Variants in CREB3L1 observed in about 807,000 individuals in gnomAD.
CREB3L1 encodes cyclic AMP-responsive element-binding protein 3-like protein 1.
Under a neutral mutation model 54.5 loss-of-function variants are expected in CREB3L1, and 33 were observed. The observed-to-expected ratio is 0.61, with a 90% CI of 0.46 to 0.81. The LOEUF (loss-of-function observed/expected upper bound fraction) is 0.81. Ranked by LOEUF, CREB3L1 falls within the 30% of genes least tolerant of loss-of-function variation. The probability of loss-of-function intolerance (pLI) is 0.00; values close to 1 mark genes in which losing one functional copy is unlikely to be tolerated. For missense variants in CREB3L1, 656 were observed against 673.3 expected (o/e 0.97, Z 0.29); for synonymous variants, 284 against 286.4 (o/e 0.99, Z 0.08).
Position 46,277,781 on chromosome 11 carries a change from GGCTCCTGA to G in CREB3L1, c.-330_-323del, listed in dbSNP as rs1938894930. The G allele has an allele frequency of 3.8e-6, 1 of 266,016 alleles. No individual in the cohort carries two copies. 16.5% of individuals were successfully genotyped at this position (266,016 alleles called of 1,614,324 possible). A position where few individuals can be genotyped will look rare whatever the true frequency, so the allele number is the denominator to read the frequency against. ...GCCCCGGCTCCCACCCTGTCCGGGG[GGCTCCTGA>G]AGCCCTCAGCCCCAACCCCGGGCTC... On this transcript the variant is annotated 5_prime_UTR_variant, in exon 1 of 12. Coordinates refer to ENST00000621158, the MANE Select transcript of CREB3L1 (RefSeq NM_052854.4).
chr11:46,314,009 G>T (rs893812649), intron 8 of CREB3L1, among the ~76,000 whole-genome samples: 6 of 152,092 alleles, frequency 3.9e-5, no homozygotes, highest in Non-Finnish European at 8.8e-5. Flanking sequence ...GGCGGAGGCG[G>T]GCAAATCACT....
At chr11:46,305,858 G>A (rs1337450041) in intron 2 of CREB3L1, among the ~76,000 whole-genome samples, 4 of 147,230 alleles carry the variant, frequency 2.7e-5, no homozygotes, top group South Asian at 4.3e-4. Context: ...CTGCCTCAGC[G>A]TCCCGAGTAG....
In CREB3L1 at chr11:46,316,303, T is replaced by G. The variant is rs1366772264; in HGVS notation, c.1049T>G (p.Leu350Arg). The G allele has an allele frequency of 6.4e-7, 1 of 1,568,300 alleles. No individual in the cohort carries two copies. The highest frequency in any genetic ancestry group is 8.6e-7 in the Non-Finnish European group (1 of 1,156,812). The change falls in exon 9 of 12, where the codon CTG becomes CGG. Residue 350 changes from leucine to arginine, a missense_variant. Physicochemically the swap from Leu to Arg is moderately radical, Grantham distance 102. Around this residue, in one of 3 missense-constraint regions of CREB3L1, gnomAD observed 77 missense variants for 122.0 expected, o/e 0.63. Coordinates refer to ENST00000621158, the MANE Select transcript of CREB3L1 (RefSeq NM_052854.4). ...ENANRTLLQQ[L>R]QKLQTLVTNK... Reference sequence around the variant, plus strand: ...CTCCTCAGGACCCTGCTCCAGCAGCTGCAGAAACTCCAGACTCTGGTCACC... The same window carrying G: ...CTCCTCAGGACCCTGCTCCAGCAGCGGCAGAAACTCCAGACTCTGGTCACC...
At chr11:46,314,797 T>G (rs1361158165) in intron 8 of CREB3L1, among the ~76,000 whole-genome samples, 1 of 151,452 alleles carries the variant, frequency 6.6e-6, no homozygotes, top group Admixed American at 6.6e-5. Context: ...AACCTCCGCC[T>G]CTTGGGTTCA....
chr11:46,277,995 G>C lies in CREB3L1; in HGVS notation c.-117G>C. The C allele has an allele frequency of 4.6e-6, 2 of 435,786 alleles. No individual in the cohort carries two copies. Among genetic ancestry groups the C allele is most frequent in the African/African-American group, 2.1e-5 (1 of 48,446 alleles). 27.0% of individuals were successfully genotyped at this position (435,786 alleles called of 1,614,324 possible). A position where few individuals can be genotyped will look rare whatever the true frequency, so the allele number is the denominator to read the frequency against. On this transcript the variant is annotated 5_prime_UTR_variant, in exon 1 of 12. Coordinates refer to ENST00000621158, the MANE Select transcript of CREB3L1 (RefSeq NM_052854.4). ...CCGTCCGCCCCTCCCCCGGGGCTTCGCCCCGGACCTGCCCCCCGCCCGTTT... is the reference window on the plus strand; with the variant it reads ...CCGTCCGCCCCTCCCCCGGGGCTTCCCCCCGGACCTGCCCCCCGCCCGTTT...
At position 46,300,003 on chromosome 11, in the gene CREB3L1, C is replaced by T. The variant is rs779485923; in HGVS notation, c.171C>T (p.Ser57=). 6.2e-7 allele frequency: 1 copy of T among 1,613,970 alleles called. No homozygotes were observed. The highest frequency in any genetic ancestry group is 8.5e-7 in the Non-Finnish European group (1 of 1,179,868). The change falls in exon 2 of 12, where the codon AGC becomes AGT. Residue 57 remains serine, a synonymous_variant. Coordinates refer to ENST00000621158, the MANE Select transcript of CREB3L1 (RefSeq NM_052854.4). ...ACTTCTCCAATGACCTGTTCAGCAG[C>T]TTCTTTGATGACCCTGTGCTGGATG... ...MEDFSNDLFS[S]FFDDPVLDEK...
At chr11:46,320,169 A>T (rs1490242035) in intron 10 of CREB3L1, 95 bp from the exon 11 acceptor site, 1 of 1,361,004 alleles carries the variant, frequency 7.3e-7, no homozygotes, top group Non-Finnish European at 9.9e-7. Flanking sequence ...TGGGACTCAG[A>T]TCCAGGGCCT....
At position 46,278,068 on chromosome 11, in the gene CREB3L1, A is replaced by G; in HGVS notation, c.-44A>G. ...TGGACTGGGCGCGCCGCCGCCCTGG[A>G]GTGAGGGAAGCCCAGTGGAAGGGGG... On this transcript the variant is annotated 5_prime_UTR_variant, in exon 1 of 12. Coordinates refer to ENST00000621158, the MANE Select transcript of CREB3L1 (RefSeq NM_052854.4). The surrounding 1 kb of genome is among the most constrained non-coding windows in gnomAD (Gnocchi z 4.2). The G allele has an allele frequency of 1.6e-6, 2 of 1,213,226 alleles. No homozygotes were observed. 75.2% of individuals were successfully genotyped at this position (1,213,226 alleles called of 1,614,324 possible). A position where few individuals can be genotyped will look rare whatever the true frequency, so the allele number is the denominator to read the frequency against.
In CREB3L1 at chr11:46,284,663, A is replaced by T. The variant is rs546343778; in HGVS notation, c.102+6450A>T. On this transcript the variant is annotated intron_variant, in intron 1 of 11. Coordinates refer to ENST00000621158, the MANE Select transcript of CREB3L1 (RefSeq NM_052854.4). The stretch of plus-strand genomic sequence containing the variant: ...GGGCAAAACTCCATCTCCAAAAAAA[A>T]AAAAAAAGGCATTTCCACAGGGACT... 1.5e-3 allele frequency among the ~76,000 whole-genome samples: 234 copies of T among 152,214 alleles called. 1 individual carries two copies. The highest frequency in any genetic ancestry group is 5.4e-3 in the African/African-American group (226 of 41,558).
At chr11:46,312,969 C>T (rs375608071) in intron 8 of CREB3L1, 50 bp downstream of exon 8, 13 of 1,394,644 alleles carry the variant, frequency 9.3e-6, no homozygotes, top group Non-Finnish European at 1.3e-5. Context: ...CTCTGCAACC[C>T]GTGCCTGGCT....
chr11:46,286,104 C>T (rs985360994), intron 1 of CREB3L1, among the ~76,000 whole-genome samples: 26 of 152,210 alleles, frequency 1.7e-4, no homozygotes, highest in African/African-American at 5.8e-4. Flanking sequence ...TCCTTGAGAG[C>T]AGGGTGTGTC....
rs915891814 is a variant in CREB3L1, at chr11:46,300,155, C to A, written c.323C>A (p.Thr108Asn). Residue 108 changes from threonine to asparagine, a missense_variant, in exon 2 of 12, where the codon ACC becomes AAC. Transcript: ENST00000621158. ...CTTGTGCCCATCAAGATGGAGGACA[C>A]CACCCAAGGTAAGAGGTGGAAGAAC... ...SPLVPIKMED[T>N]TQDAEHGAWA... is the part of the protein sequence containing the mutation. The A allele has an allele frequency of 3.7e-6, 6 of 1,611,354 alleles. No homozygotes were observed. In the South Asian group the frequency reaches 4.4e-5, roughly 12 times the overall value.
intron 1 of CREB3L1, among the ~76,000 whole-genome samples, chr11:46,296,451 T>G (rs893017143): frequency 2.6e-5 from 4 of 152,004 alleles, no homozygotes; most frequent in Non-Finnish European, 5.9e-5. Flanking sequence ...GGACTGGAGT[T>G]TTCTCTACTA....
chr11:46,320,935 C>T lies in CREB3L1; in HGVS notation c.*189C>T. The T allele has an allele frequency of 1.4e-6, 1 of 713,540 alleles. No individual in the cohort carries two copies. Among genetic ancestry groups the T allele is most frequent in the Non-Finnish European group, 2.5e-6 (1 of 394,590 alleles). The allele number at this position is 713,540 out of a possible 1,614,324, so 44.2% of individuals were successfully genotyped here. On this transcript the variant is annotated 3_prime_UTR_variant, in exon 12 of 12. Coordinates refer to ENST00000621158, the MANE Select transcript of CREB3L1 (RefSeq NM_052854.4). Reference sequence around the variant, plus strand: ...TCCCTTGGGCCGACCACTCTGTTCTCATTCTCCTTCCCACCAACATCCATC... The same window carrying T: ...TCCCTTGGGCCGACCACTCTGTTCTTATTCTCCTTCCCACCAACATCCATC...
chr11:46,306,480 G>A (rs191292108), intron 2 of CREB3L1, among the ~76,000 whole-genome samples: 122 of 151,698 alleles, frequency 8.0e-4, no homozygotes, highest in Middle Eastern at 3.4e-3. Flanking sequence ...CTCCAGCCTG[G>A]GCGAATGAGT....
chr11:46,281,273 T>C (rs1388002912), intron 1 of CREB3L1, among the ~76,000 whole-genome samples: 1 of 152,168 alleles, frequency 6.6e-6, no homozygotes, highest in Non-Finnish European at 1.5e-5. Context: ...CTTCAGCCCC[T>C]TGGCCAGTAT....
chr11:46,286,188 T>G (rs1291191786), intron 1 of CREB3L1, among the ~76,000 whole-genome samples: 1 of 151,656 alleles, frequency 6.6e-6, no homozygotes, highest in Non-Finnish European at 1.5e-5. Flanking sequence ...ATTTATTGGA[T>G]GGATGGAAGG....
At chr11:46,307,779 T>C in intron 2 of CREB3L1, 37 bp from the exon 3 acceptor site, 1 of 1,483,202 alleles carries the variant, frequency 6.7e-7, no homozygotes, top group Non-Finnish European at 9.0e-7. Context: ...CTGAGACCTC[T>C]GCCCTAGAGT....
intron 8 of CREB3L1, 78 bp from the exon 9 acceptor site, chr11:46,316,208 A>G (rs1417702030): frequency 2.2e-6 from 2 of 889,374 alleles, no homozygotes; most frequent in East Asian, 2.7e-5. Context: ...GTCTGGAGCC[A>G]GCCCCCTAGG....
Sources: allele counts gnomAD v4.1 joint callset (sites outside exome capture counted in the v4.1 genomes callset), GRCh38; gene constraint gnomAD v4.1.1; regional missense constraint gnomAD v4.1.1; non-coding constraint Gnocchi (gnomAD v3.1); transcripts MANE v1.5; gene names NCBI Gene and HGNC (gene_info 2026-07-23, HGNC 2026-07-21).